The following RSPH1 variants were observed in gnomAD, a reference collection of about 807,000 sequenced individuals.
RSPH1 encodes radial spoke head 1 homolog.
Under a neutral mutation model 44.2 loss-of-function variants are expected in RSPH1, and 32 were observed. The observed-to-expected ratio is 0.72, with a 90% CI of 0.55 to 0.97. The LOEUF (loss-of-function observed/expected upper bound fraction) is 0.97. Ranked by LOEUF, RSPH1 falls within the 50% of genes least tolerant of loss-of-function variation. RSPH1 has a pLI of 0.00. For synonymous variants in RSPH1, 134 were observed against 147.3 expected, an observed-to-expected ratio of 0.91 and a Z score of 0.65; for missense variants, 391 against 398.7, an observed-to-expected ratio of 0.98 and a Z score of 0.16.
intron 3 of RSPH1, among the ~76,000 whole-genome samples, chr21:42,491,168 A>G (rs527459969): frequency 1.3e-4 from 20 of 152,270 alleles, no homozygotes; most frequent in Non-Finnish European, 2.4e-4. Flanking sequence ...GGAACCCCCA[A>G]TTTGTAGCCG....
In RSPH1 at chr21:42,482,628, G is replaced by T. The variant is rs376931534; in HGVS notation, c.573+9C>A. 4 of 1,601,630 alleles carry T rather than the reference G, an allele frequency of 2.5e-6. No homozygotes were observed. Among genetic ancestry groups the T allele is most frequent in the Non-Finnish European group, 3.4e-6 (4 of 1,170,342 alleles). On this transcript the variant is annotated intron_variant, in intron 6 of 8. Coordinates refer to ENST00000291536, the MANE Select transcript of RSPH1 (RefSeq NM_080860.4). ...AATGTAACAAAACCCTACATGCTCC[G>T]CAACTTACCATATCTGTTAAACGAT...
intron 6 of RSPH1, among the ~76,000 whole-genome samples, chr21:42,478,915 T>A (rs891097156): frequency 6.6e-6 from 1 of 152,124 alleles, no homozygotes; most frequent in Non-Finnish European, 1.5e-5. Flanking sequence ...ACATCTAGAA[T>A]AGGCAAATTC....
intron 1 of RSPH1, among the ~76,000 whole-genome samples, chr21:42,493,559 T>C (rs2054257184): frequency 1.3e-5 from 2 of 152,134 alleles, no homozygotes; most frequent in South Asian, 4.1e-4. Flanking sequence ...AAATGATCCC[T>C]GGGGCGGGGT....
At position 42,474,944 on chromosome 21, in the gene RSPH1, C is replaced by A. The variant is rs941324004; in HGVS notation, c.877+954G>T. Among the ~76,000 whole-genome samples the A allele has an allele frequency of 1.3e-5, 2 of 152,162 alleles. No homozygotes were observed. The highest frequency in any genetic ancestry group is 3.8e-4 in the East Asian group (2 of 5,202). ...ATTCTTAATTTACAACAGAGACAAA[C>A]TAAGTGGAATGGGACTGCAGACCCC... On this transcript the variant is annotated intron_variant, in intron 8 of 8. Transcript: ENST00000291536. The surrounding 1 kb of genome is among the most constrained non-coding windows in gnomAD (Gnocchi z 5.2).
chr21:42,493,023 C>A lies in RSPH1; in HGVS notation c.111G>T (p.Arg37=). 6.2e-7 allele frequency: 1 copy of A among 1,614,182 alleles called. No homozygotes were observed. Among genetic ancestry groups the A allele is most frequent in the Non-Finnish European group, 8.5e-7 (1 of 1,180,036 alleles). The part of the protein sequence containing the change: ...AGERHGRGRA[R]LPNGDTYEGS... ...CTTCGTAGGTGTCCCCGTTGGGTAGCCGTGCCCTCCCACGTCCGTGCCTTT... is the reference window on the plus strand; with the variant it reads ...CTTCGTAGGTGTCCCCGTTGGGTAGACGTGCCCTCCCACGTCCGTGCCTTT... Residue 37 remains arginine, a synonymous_variant, in exon 2 of 9, where the codon CGG becomes CGT. Coordinates refer to ENST00000291536, the MANE Select transcript of RSPH1 (RefSeq NM_080860.4).
At chr21:42,495,060 A>C (rs567365196) in intron 1 of RSPH1, among the ~76,000 whole-genome samples, 1 of 152,284 alleles carries the variant, frequency 6.6e-6, no homozygotes, top group African/African-American at 2.4e-5. Flanking sequence ...GTAGACATGA[A>C]AGGGCAGGCA....
chr21:42,485,618 GA>G, intron 5 of RSPH1, 50 bp downstream of exon 5: 2 of 1,609,056 alleles, frequency 1.2e-6, no homozygotes, highest in Non-Finnish European at 1.7e-6. Flanking sequence ...CAGGCTGCCA[GA>G]GGGGGTTATT....
At chr21:42,478,456 G>C (rs2054093836) in intron 6 of RSPH1, among the ~76,000 whole-genome samples, 1 of 152,200 alleles carries the variant, frequency 6.6e-6, no homozygotes, top group Non-Finnish European at 1.5e-5. Context: ...CACCCCCAGA[G>C]TTTCAGATTC....
chr21:42,488,206 T>G (rs1023185883), intron 3 of RSPH1, among the ~76,000 whole-genome samples: 4 of 152,136 alleles, frequency 2.6e-5, no homozygotes, highest in Admixed American at 1.3e-4. Flanking sequence ...ATTGAGATAA[T>G]TCAGTAAAAA....
intron 6 of RSPH1, among the ~76,000 whole-genome samples, chr21:42,478,748 A>G (rs1212337313): frequency 1.3e-5 from 2 of 152,226 alleles, no homozygotes; most frequent in Non-Finnish European, 2.9e-5. Flanking sequence ...TTGCACACCA[A>G]TGTTCACTGC....
At chr21:42,482,544 T>A in intron 6 of RSPH1, 93 bp downstream of exon 6, 2 of 866,178 alleles carry the variant, frequency 2.3e-6, no homozygotes, top group South Asian at 1.6e-5. Flanking sequence ...GGCATAACTT[T>A]TAGGCGAATC....
rs187853888 is a variant in RSPH1 at position 42,474,246 on chromosome 21, C to G, written c.878-1376G>C. Among the ~76,000 whole-genome samples, 76 of 152,300 alleles carry G rather than the reference C, an allele frequency of 5.0e-4. No individual in the cohort carries two copies. Among genetic ancestry groups the G allele is most frequent in the African/African-American group, 1.7e-3 (71 of 41,564 alleles). ...TGGTTCCAAGGGAAAGGGGCCACCT[C>G]CCCACCCCCACACTCTTCTGCTGTC... is the stretch of plus-strand genomic sequence containing the variant. On this transcript the variant is annotated intron_variant, in intron 8 of 8. Transcript: ENST00000291536. This position sits in a 1 kb window ranked among gnomAD's most constrained non-coding sequence, Gnocchi z 5.2.
chr21:42,486,258 T>G, intron 4 of RSPH1, 113 bp downstream of exon 4: 3 of 830,394 alleles, frequency 3.6e-6, no homozygotes, highest in Non-Finnish European at 6.2e-6. Flanking sequence ...CTGGCAGAGT[T>G]GGTAACTGGG....
rs762842115 is a variant in RSPH1 at position 42,472,772 on chromosome 21, G to A, written c.*46C>T. ...ACACACAGCACTGCACCCGGCTAAC[G>A]ACAGAAGCATTCTTATGATACGATC... On this transcript the variant is annotated 3_prime_UTR_variant, in exon 9 of 9. Coordinates refer to ENST00000291536, the MANE Select transcript of RSPH1 (RefSeq NM_080860.4). 45 of 1,474,630 alleles carry A rather than the reference G, an allele frequency of 3.1e-5. No individual in the cohort carries two copies. The highest frequency in any genetic ancestry group is 7.0e-5 in the African/African-American group (5 of 71,866). 91.3% of individuals were successfully genotyped at this position (1,474,630 alleles called of 1,614,324 possible). A position where few individuals can be genotyped will look rare whatever the true frequency, so the allele number is the denominator to read the frequency against.
rs1388776078 is a variant in RSPH1, at chr21:42,486,423, A to G, written c.313T>C (p.Tyr105His). 1 of 1,614,004 alleles carries G rather than the reference A, an allele frequency of 6.2e-7. No homozygotes were observed. Among genetic ancestry groups the G allele is most frequent in the African/African-American group, 1.3e-5 (1 of 74,920 alleles). The change falls in exon 4 of 9, where the codon TAC becomes CAC. Residue 105 changes from tyrosine (Y) to histidine (H), a missense_variant. Tyr to His is a moderately conservative substitution (Grantham distance 83). Transcript: ENST00000291536. ...TAGGTGTCATTATTGATGTAGTAGTATACGCCATGGCCGTGCCGCAGGTCA... is the reference window on the plus strand; with the variant it reads ...TAGGTGTCATTATTGATGTAGTAGTGTACGCCATGGCCGTGCCGCAGGTCA... ...ANDLRHGHGV[Y>H]YYINNDTYTG...
chr21:42,490,027 C>T (rs2054220768), intron 3 of RSPH1, among the ~76,000 whole-genome samples: 1 of 152,134 alleles, frequency 6.6e-6, no homozygotes, highest in African/African-American at 2.4e-5. Context: ...TCTTTCTCCC[C>T]CTTAACCTCA....
chr21:42,492,184 A>G (rs2054242739), intron 3 of RSPH1, among the ~76,000 whole-genome samples: 1 of 152,244 alleles, frequency 6.6e-6, no homozygotes, highest in African/African-American at 2.4e-5. Context: ...TGGTCACACC[A>G]GGTGACAACG....
chr21:42,495,912 A>G, intron 1 of RSPH1: 1 of 552,542 alleles, frequency 1.8e-6, no homozygotes, highest in Non-Finnish European at 3.3e-6. Flanking sequence ...GGGAAGAACG[A>G]GGCGGCATGT....
chr21:42,476,990 C>G (rs1328549355), intron 7 of RSPH1, among the ~76,000 whole-genome samples: 1 of 68,984 alleles, frequency 1.4e-5, no homozygotes, highest in East Asian at 3.6e-4. Context: ...GCCCCACACC[C>G]TCTGTCCCAC....
Sources: gnomAD v4.1 joint callset for allele counts (sites outside exome capture counted in the v4.1 genomes callset) on GRCh38, gnomAD v4.1.1 for gene constraint, Gnocchi (gnomAD v3.1) non-coding constraint, MANE v1.5 for transcripts, NCBI Gene and HGNC (gene_info 2026-07-23, HGNC 2026-07-21) for gene names.